ADAM2: variants seen among roughly 807,000 people sequenced by gnomAD.
The protein encoded by ADAM2 is disintegrin and metalloproteinase domain-containing protein 2.
In ADAM2, 101 loss-of-function variants were observed where a neutral mutation model predicts 99.3. That is an observed-to-expected ratio of 1.02 (90% confidence interval 0.87 to 1.20). The LOEUF is 1.20. Among genes scored for constraint, ADAM2 ranks in the 50% most tolerant of loss-of-function variants. The pLI, the probability that ADAM2 is intolerant of heterozygous loss-of-function variation, is 0.00. For missense variants in ADAM2, 948 were observed against 878.7 expected, an observed-to-expected ratio of 1.08 and a Z score of -1.00; for synonymous variants, 323 against 287.6, an observed-to-expected ratio of 1.12 and a Z score of -1.25.
At chr8:39,770,114 T>A (rs906391020) in intron 11 of ADAM2, among the ~76,000 whole-genome samples, 11 of 151,850 alleles carry the variant, frequency 7.2e-5, no homozygotes, top group Non-Finnish European at 1.6e-4. Context: ...ACCTACTAAT[T>A]TTTGTATTTT....
At chr8:39,815,219 A>T (rs536915517) in intron 6 of ADAM2, among the ~76,000 whole-genome samples, 3 of 152,132 alleles carry the variant, frequency 2.0e-5, no homozygotes, top group African/African-American at 7.2e-5. Context: ...TATATAATAG[A>T]TTCTATTTTA....
intron 10 of ADAM2, among the ~76,000 whole-genome samples, chr8:39,782,803 T>C (rs1242225335): frequency 5.3e-5 from 8 of 152,160 alleles, no homozygotes; most frequent in African/African-American, 1.7e-4. Context: ...ATAACTTGTA[T>C]ATATCTTCAA....
intron 10 of ADAM2, among the ~76,000 whole-genome samples, chr8:39,779,648 G>C (rs1044088901): frequency 6.6e-6 from 1 of 152,048 alleles, no homozygotes; most frequent in Admixed American, 6.6e-5. Flanking sequence ...AATTTCAACA[G>C]AGCAGACAAT....
chr8:39,777,237 T>A, intron 10 of ADAM2, 76 bp from the exon 11 acceptor site: 5 of 1,236,558 alleles, frequency 4.0e-6, no homozygotes, highest in Non-Finnish European at 5.7e-6. Flanking sequence ...TTATTAAAGA[T>A]CACATGATAA....
intron 10 of ADAM2, among the ~76,000 whole-genome samples, chr8:39,780,148 G>A (rs1803158462): frequency 1.3e-5 from 2 of 152,114 alleles, no homozygotes; most frequent in African/African-American, 4.8e-5. Context: ...CATGGTGGCA[G>A]GCCAGAGAAC....
intron 3 of ADAM2, among the ~76,000 whole-genome samples, chr8:39,832,696 G>C (rs886458608): frequency 6.6e-6 from 1 of 152,096 alleles, no homozygotes; most frequent in African/African-American, 2.4e-5. Context: ...TCTGATGAAG[G>C]CTTTGTAATT....
intron 9 of ADAM2, among the ~76,000 whole-genome samples, chr8:39,787,265 CAT>C (rs1219488499): frequency 6.0e-5 from 9 of 151,080 alleles, no homozygotes; most frequent in Non-Finnish European, 1.0e-4. Context: ...ATTTCTGTAA[CAT>C]AACAAAGATT....
intron 3 of ADAM2, among the ~76,000 whole-genome samples, chr8:39,827,032 A>G (rs1457225712): frequency 6.7e-6 from 1 of 149,882 alleles, no homozygotes; most frequent in Non-Finnish European, 1.5e-5. Flanking sequence ...AATGTATAGG[A>G]ATACAAACAA....
intron 10 of ADAM2, among the ~76,000 whole-genome samples, chr8:39,778,454 C>A (rs1190017577): frequency 6.6e-6 from 1 of 152,008 alleles, no homozygotes; most frequent in Non-Finnish European, 1.5e-5. Flanking sequence ...CTCTTTGAAC[C>A]CTTGATGGGA....
chr8:39,793,650 G>A (rs1803812907), intron 7 of ADAM2, among the ~76,000 whole-genome samples: 1 of 152,066 alleles, frequency 6.6e-6, no homozygotes, highest in Non-Finnish European at 1.5e-5. Context: ...AAATGATCAG[G>A]GCAAAAGAAA....
At chr8:39,825,786 G>A (rs1805376041) in intron 3 of ADAM2, among the ~76,000 whole-genome samples, 2 of 151,992 alleles carry the variant, frequency 1.3e-5, no homozygotes, top group African/African-American at 2.4e-5. Context: ...AGAAAACAAT[G>A]GAATGATGAT....
In ADAM2 at chr8:39,769,376, C is replaced by G. The variant is rs765013155; in HGVS notation, c.1212+16G>C. 2.5e-6 allele frequency: 4 copies of G among 1,582,936 alleles called. No individual in the cohort carries two copies. In the Admixed American group the frequency reaches 7.1e-5, roughly 28 times the overall value. ...TGCTGCAATTTCAGTGCGTAGTCTT[C>G]CGAATTAGTACCAACCTGTTCAGTC... is the stretch of plus-strand genomic sequence containing the variant. On this transcript the variant is annotated intron_variant, in intron 12 of 20. Transcript: ENST00000265708.
chr8:39,758,636 C>G (rs1802241355), intron 15 of ADAM2, among the ~76,000 whole-genome samples: 1 of 151,298 alleles, frequency 6.6e-6, no homozygotes, highest in Non-Finnish European at 1.5e-5. Flanking sequence ...TTTTCAAATA[C>G]CATCTTCTAA....
rs1490023890 is a variant in ADAM2 at position 39,744,012 on chromosome 8, C to A, written c.*83G>T. 1 of 151,950 alleles carries A rather than the reference C, an allele frequency of 6.6e-6. No homozygotes were observed. The highest frequency in any genetic ancestry group is 2.1e-4 in the South Asian group (1 of 4,832). 9.4% of individuals were successfully genotyped at this position (151,950 alleles called of 1,614,324 possible). ...CCCAGGAAACCAGGTAATGTACATT[C>A]TTTTCTTTCCATTTTTTTGTGTCCA... On this transcript the variant is annotated 3_prime_UTR_variant, in exon 21 of 21. Coordinates refer to ENST00000265708, the MANE Select transcript of ADAM2 (RefSeq NM_001464.5).
At chr8:39,809,751 C>G (rs1332608000) in intron 6 of ADAM2, among the ~76,000 whole-genome samples, 1 of 152,014 alleles carries the variant, frequency 6.6e-6, no homozygotes, top group African/African-American at 2.4e-5. Flanking sequence ...TCTCTTTTAC[C>G]AGGCCTGCCT....
rs1265553559 is a variant in ADAM2, at chr8:39,761,249, G to A, written c.1540C>T (p.His514Tyr). ...GATACATCAGTCTTTGAATTAAGGT[G>A]AGAATAACATTCTGAAGGGCCAAAC... is the stretch of plus-strand genomic sequence containing the variant. The part of the protein sequence containing the change: ...VEFGPSECYS[H>Y]LNSKTDVSGN... The change falls in exon 15 of 21, where the codon CAC becomes TAC. Residue 514 changes from histidine (H) to tyrosine (Y), a missense_variant. Coordinates refer to ENST00000265708, the MANE Select transcript of ADAM2 (RefSeq NM_001464.5). 1.4e-5 allele frequency: 23 copies of A among 1,604,272 alleles called. No individual in the cohort carries two copies. The highest frequency in any genetic ancestry group is 7.8e-5 in the South Asian group (7 of 89,370).
At chr8:39,802,447 A>G (rs1405654429) in intron 7 of ADAM2, among the ~76,000 whole-genome samples, 1 of 152,100 alleles carries the variant, frequency 6.6e-6, no homozygotes, top group East Asian at 1.9e-4. Flanking sequence ...CCTCATTATT[A>G]GATTCTAGCT....
chr8:39,794,775 T>C (rs1362615897), intron 7 of ADAM2, among the ~76,000 whole-genome samples: 1 of 152,028 alleles, frequency 6.6e-6, no homozygotes, highest in Non-Finnish European at 1.5e-5. Context: ...GGGACAGGAA[T>C]TGCTCACTCA....
chr8:39,812,439 T>C (rs149927514), intron 6 of ADAM2, among the ~76,000 whole-genome samples: 2,755 of 152,230 alleles, frequency 0.018, 46 homozygotes, highest in Admixed American at 0.046. Context: ...AAAGTTCATA[T>C]GGAACCAAAA....
Sources: allele counts gnomAD v4.1 joint callset (sites outside exome capture counted in the v4.1 genomes callset), GRCh38; gene constraint gnomAD v4.1.1; transcripts MANE v1.5; gene names NCBI Gene and HGNC (gene_info 2026-07-23, HGNC 2026-07-21).